Variants in MEP1B observed in about 807,000 individuals in gnomAD.
MEP1B encodes N-benzoyl-L-tyrosyl-P-amino-benzoic acid hydrolase subunit beta.
In MEP1B, 80 loss-of-function variants were observed where a neutral mutation model predicts 84.6. That is an observed-to-expected ratio of 0.95 (90% CI 0.79 to 1.14). MEP1B has a LOEUF of 1.14. Among genes scored for constraint, MEP1B ranks in the 50% most tolerant of loss-of-function variants. The pLI is 0.00. For synonymous variants in MEP1B, 273 were observed against 288.1 expected (o/e 0.95, Z 0.53); for missense variants, 766 against 855.1 (o/e 0.90, Z 1.30).
intron 11 of MEP1B, among the ~76,000 whole-genome samples, chr18:32,214,425 C>T (rs1326438513): frequency 6.6e-6 from 1 of 152,118 alleles, no homozygotes; most frequent in East Asian, 1.9e-4. Context: ...AGAAAAAAAT[C>T]CAACTTAATC....
intron 11 of MEP1B, among the ~76,000 whole-genome samples, chr18:32,214,659 G>A (rs2041064255): frequency 6.6e-6 from 1 of 152,202 alleles, no homozygotes; most frequent in Non-Finnish European, 1.5e-5. Context: ...ATCATCCTAT[G>A]CTGATATTAA....
intron 9 of MEP1B, among the ~76,000 whole-genome samples, chr18:32,208,550 C>G (rs35001736): frequency 0.085 from 12,979 of 152,218 alleles, 736 homozygotes; most frequent in South Asian, 0.15. Context: ...GGGCCTCCTG[C>G]AAGGCCTCTT....
At chr18:32,192,345 T>G (rs1306733327) in intron 2 of MEP1B, among the ~76,000 whole-genome samples, 34 of 152,118 alleles carry the variant, frequency 2.2e-4, no homozygotes, top group Non-Finnish European at 5.9e-5. Context: ...AATCTAGTCT[T>G]CTAGTCTTTC....
In MEP1B at chr18:32,195,471, T is replaced by C. The variant is rs778499512; in HGVS notation, c.236T>C (p.Leu79Pro). ...TGGCCTCATACCATTCCATATGTTC[T>C]AGAAGATAGCTTGGGTTAGTATGCA... The part of the protein sequence containing the change: ...YRWPHTIPYV[L>P]EDSLEMNAKG... The change falls in exon 5 of 15, where the codon CTA becomes CCA. Residue 79 changes from leucine to proline, a missense_variant. Physicochemically the swap from Leu to Pro is moderately conservative, Grantham distance 98. Coordinates refer to ENST00000269202, the MANE Select transcript of MEP1B (RefSeq NM_005925.3). The C allele has an allele frequency of 6.2e-7, 1 of 1,607,440 alleles. No individual in the cohort carries two copies. The highest frequency in any genetic ancestry group is 8.5e-7 in the Non-Finnish European group (1 of 1,174,604).
intron 5 of MEP1B, among the ~76,000 whole-genome samples, chr18:32,197,248 A>C (rs1303223852): frequency 6.6e-6 from 1 of 152,174 alleles, no homozygotes; most frequent in Non-Finnish European, 1.5e-5. Flanking sequence ...AGAAATTTAA[A>C]TATGTTGGAA....
chr18:32,208,477 A>C (rs941422589), intron 9 of MEP1B, among the ~76,000 whole-genome samples: 1 of 152,170 alleles, frequency 6.6e-6, no homozygotes, highest in Non-Finnish European at 1.5e-5. Context: ...TTCTTTCTAC[A>C]AGTCAGAGCT....
chr18:32,213,228 T>C lies in MEP1B; in HGVS notation c.1248T>C (p.Ser416=), dbSNP rs762676007. 3 of 1,613,970 alleles carry C rather than the reference T, an allele frequency of 1.9e-6. No individual in the cohort carries two copies. Among genetic ancestry groups the C allele is most frequent in the South Asian group, 2.2e-5 (2 of 91,082 alleles). ...KGSGASLGGL[S]IDDINLSETR... ...CTGGTGCATCACTGGGTGGTCTGTC[T>C]ATTGATGACATCAATCTTTCGGAAA... Residue 416 remains serine, a synonymous_variant, in exon 11 of 15, where the codon TCT becomes TCC. Transcript: ENST00000269202.
chr18:32,198,209 T>C (rs2040875212), intron 5 of MEP1B, among the ~76,000 whole-genome samples: 1 of 152,180 alleles, frequency 6.6e-6, no homozygotes, highest in Non-Finnish European at 1.5e-5. Flanking sequence ...ACTGTGTAAG[T>C]TGTACACCGT....
intron 9 of MEP1B, among the ~76,000 whole-genome samples, chr18:32,209,370 C>T (rs971988341): frequency 2.6e-5 from 4 of 151,928 alleles, no homozygotes; most frequent in Non-Finnish European, 4.4e-5. Flanking sequence ...GTCTGTAGTC[C>T]CAGCTAGTTG....
Position 32,217,832 on chromosome 18 carries a change from T to C in MEP1B, c.1958T>C (p.Ile653Thr), listed in dbSNP as rs753294211. ...CEKRGSTRDT[I>T]VIAVSSTVAV... ...AAGAGAGGCTCCACCCGAGACACCA[T>C]AGTCATTGCTGTTTCATCTACTGTT... is the stretch of plus-strand genomic sequence containing the variant. The change falls in exon 14 of 15, where the codon ATA becomes ACA. Residue 653 changes from isoleucine to threonine, a missense_variant. Coordinates refer to ENST00000269202, the MANE Select transcript of MEP1B (RefSeq NM_005925.3). 7.4e-6 allele frequency: 12 copies of C among 1,613,906 alleles called. No individual in the cohort carries two copies. Among genetic ancestry groups the C allele is most frequent in the African/African-American group, 1.3e-5 (1 of 75,034 alleles).
chr18:32,197,405 GTTT>G (rs34303503), intron 5 of MEP1B, among the ~76,000 whole-genome samples: 1 of 142,160 alleles, frequency 7.0e-6, no homozygotes, highest in African/African-American at 2.6e-5. Context: ...TTTCATTTTT[GTTT>G]TTTTTTTTTT....
At chr18:32,200,105 G>A (rs1380062066) in intron 5 of MEP1B, among the ~76,000 whole-genome samples, 1 of 151,732 alleles carries the variant, frequency 6.6e-6, no homozygotes, top group African/African-American at 2.4e-5. Context: ...TGAATGCCTT[G>A]AGGATAAGAG....
At chr18:32,204,154 C>T (rs751059747) in intron 6 of MEP1B, 28 bp from the exon 7 acceptor site, 6 of 1,585,258 alleles carry the variant, frequency 3.8e-6, no homozygotes, top group African/African-American at 2.7e-5. Context: ...ACATTCTCTT[C>T]CCCCTTTCTT....
Position 32,192,691 on chromosome 18 carries a change from G to T in MEP1B, c.127+1G>T, listed in dbSNP as rs1226291266. 27 of 1,613,064 alleles carry T rather than the reference G, an allele frequency of 1.7e-5. No homozygotes were observed. The highest frequency in any genetic ancestry group is 2.3e-5 in the Non-Finnish European group (27 of 1,179,308). On this transcript the variant is annotated splice_donor_variant, in intron 3 of 14. Transcript: ENST00000269202. LOFTEE classifies it high-confidence loss of function. Reference sequence around the variant, plus strand: ...CAGGACATATTTGATATCAATGAAGGTTTGTGGATTTTTTTTACATAATCT... The same window carrying T: ...CAGGACATATTTGATATCAATGAAGTTTTGTGGATTTTTTTTACATAATCT...
intron 5 of MEP1B, among the ~76,000 whole-genome samples, chr18:32,198,595 G>T (rs951308877): frequency 6.6e-6 from 1 of 152,172 alleles, no homozygotes; most frequent in Non-Finnish European, 1.5e-5. Flanking sequence ...GCTAAGTCCT[G>T]AAGAAGGGAG....
chr18:32,211,199 C>T (rs891628433), intron 10 of MEP1B, among the ~76,000 whole-genome samples: 5 of 151,970 alleles, frequency 3.3e-5, no homozygotes, highest in African/African-American at 7.2e-5. Context: ...ACCCGGGAGG[C>T]GGGGGTGGCA....
intron 6 of MEP1B, 186 bp downstream of exon 6, chr18:32,203,196 T>C: frequency 2.0e-6 from 1 of 507,278 alleles, no homozygotes; most frequent in Non-Finnish European, 3.5e-6. Flanking sequence ...CCCATACATG[T>C]AACCGCCTTT....
At position 32,208,145 on chromosome 18, in the gene MEP1B, T is replaced by C. The variant is rs1326565811; in HGVS notation, c.793T>C (p.Cys265Arg). The C allele has an allele frequency of 6.2e-7, 1 of 1,613,814 alleles. No individual in the cohort carries two copies. The highest frequency in any genetic ancestry group is 1.3e-5 in the African/African-American group (1 of 74,940). Residue 265 changes from cysteine (C) to arginine (R), a missense_variant, in exon 9 of 15, where the codon TGC becomes CGC. By Grantham distance (180) the Cys-to-Arg change is radical. Coordinates refer to ENST00000269202, the MANE Select transcript of MEP1B (RefSeq NM_005925.3). ...CTCTTCCTTGAGTTTTATGGACTCG[T>C]GCAGTTTTGAACTGGAAAATGTGTG... Reference protein sequence around the residue: ...CSSSLSFMDSCSFELENVCGM... With the variant: ...CSSSLSFMDSRSFELENVCGM...
intron 9 of MEP1B, among the ~76,000 whole-genome samples, chr18:32,209,504 G>T (rs1487347262): frequency 7.1e-6 from 1 of 140,024 alleles, no homozygotes; most frequent in Non-Finnish European, 1.5e-5. Flanking sequence ...AAAAAAAAAT[G>T]AAAGAAAATA....
Sources: gnomAD v4.1 joint callset for allele counts (sites outside exome capture counted in the v4.1 genomes callset) on GRCh38, gnomAD v4.1.1 for gene constraint, MANE v1.5 for transcripts, NCBI Gene and HGNC (gene_info 2026-07-23, HGNC 2026-07-21) for gene names.